The following COBL variants were observed in gnomAD, a reference collection of about 807,000 sequenced individuals.
The protein encoded by COBL is protein cordon-bleu.
COBL carries 51 observed loss-of-function variants against 98.8 expected under a neutral mutation model. The ratio of observed to expected loss-of-function variants is 0.52; its 90% CI spans 0.41 to 0.65. The LOEUF is 0.65. Among genes scored for constraint, COBL ranks in the 30% least tolerant of loss-of-function variants. COBL has a pLI of 0.00. For missense variants in COBL, 1,617 were observed against 1,617.5 expected, an observed-to-expected ratio of 1.00 and a Z score of 0.01; for synonymous variants, 634 against 651.7, an observed-to-expected ratio of 0.97 and a Z score of 0.41.
intron 2 of COBL, among the ~76,000 whole-genome samples, chr7:51,208,284 G>A (rs865865695): frequency 6.0e-5 from 9 of 150,936 alleles, no homozygotes; most frequent in East Asian, 2.0e-4. Flanking sequence ...CAGCCACCCC[G>A]TCTGGGAAGT....
chr7:51,316,668 G>C lies in COBL; in HGVS notation c.-35C>G, dbSNP rs974668214. 4.2e-6 allele frequency: 5 copies of C among 1,189,626 alleles called. No homozygotes were observed. The African/African-American group carries it at 4.8e-5, about 11-fold the overall frequency. 73.7% of individuals were successfully genotyped at this position (1,189,626 alleles called of 1,614,324 possible). A position where few individuals can be genotyped will look rare whatever the true frequency, so the allele number is the denominator to read the frequency against. The stretch of plus-strand genomic sequence containing the variant: ...GGCCGGGACGCGGGCGGTGCTCCGG[G>C]CCCGCCGAGTCAGGCGCTGGCTACC... On this transcript the variant is annotated 5_prime_UTR_variant, in exon 1 of 13. Coordinates refer to ENST00000265136, the MANE Select transcript of COBL (RefSeq NM_015198.5).
chr7:51,134,918 A>C (rs974124485), intron 6 of COBL, among the ~76,000 whole-genome samples: 1 of 152,242 alleles, frequency 6.6e-6, no homozygotes, highest in African/African-American at 2.4e-5. Flanking sequence ...TGAAGAACTC[A>C]AAATAAGTCA....
chr7:51,121,875 T>C (rs1418720963), intron 6 of COBL, among the ~76,000 whole-genome samples: 1 of 152,184 alleles, frequency 6.6e-6, no homozygotes, highest in Non-Finnish European at 1.5e-5. Flanking sequence ...CAGTTTCCCT[T>C]CATAGTGAAA....
rs201170093 is a variant in COBL at position 51,294,295 on chromosome 7, CATAAATAAATAAATAA to C, written c.41+22282_41+22297del. 7.9e-3 allele frequency among the ~76,000 whole-genome samples: 1,099 copies of C among 138,940 alleles called. 54 individuals are homozygous for C. In the South Asian group the frequency reaches 0.14, roughly 18 times the overall value. The allele number at this position is 138,940 out of a possible 152,430, so 91.2% of individuals were successfully genotyped here. ...AACAGAGTGAGACTCCATCTCAAAA[CATAAATAAATAAATAA>C]ATAAATAAATAAATAAATAAAAATA... On this transcript the variant is annotated intron_variant, in intron 1 of 12. Transcript: ENST00000265136.
At chr7:51,103,090 A>G (rs1007940878) in intron 6 of COBL, among the ~76,000 whole-genome samples, 1 of 152,168 alleles carries the variant, frequency 6.6e-6, no homozygotes, top group Non-Finnish European at 1.5e-5. Context: ...ATTCTTAAAA[A>G]CTGTGATTCA....
chr7:51,200,964 G>A (rs770033523), intron 2 of COBL, among the ~76,000 whole-genome samples: 8 of 152,176 alleles, frequency 5.3e-5, no homozygotes, highest in Non-Finnish European at 5.9e-5. Flanking sequence ...AAAGGAGCCC[G>A]GCATGGTGGC....
At chr7:51,255,503 C>T (rs1797120229) in intron 1 of COBL, among the ~76,000 whole-genome samples, 1 of 152,226 alleles carries the variant, frequency 6.6e-6, no homozygotes, top group Admixed American at 6.5e-5. Flanking sequence ...GTGTTCATCC[C>T]ATGAGGGAGG....
At chr7:51,081,470 G>A (rs950321653) in intron 7 of COBL, among the ~76,000 whole-genome samples, 12 of 152,342 alleles carry the variant, frequency 7.9e-5, no homozygotes, top group African/African-American at 2.9e-4. Context: ...AGGGCAGCAG[G>A]TGGGGAGGTT....
chr7:51,174,595 CT>C (rs1326392175), intron 5 of COBL, among the ~76,000 whole-genome samples: 3 of 152,128 alleles, frequency 2.0e-5, no homozygotes, highest in Non-Finnish European at 4.4e-5. Flanking sequence ...GCTATGTGGG[CT>C]CCAGTCTAAC....
intron 7 of COBL, chr7:51,083,050 G>C: frequency 6.5e-7 from 1 of 1,528,528 alleles, no homozygotes; most frequent in Admixed American, 2.0e-5. Flanking sequence ...GAAGCAAGAG[G>C]AACATACGTT....
At chr7:51,262,338 A>G (rs1563100903) in intron 1 of COBL, among the ~76,000 whole-genome samples, 1 of 152,320 alleles carries the variant, frequency 6.6e-6, no homozygotes, top group East Asian at 1.9e-4. Context: ...GTGACAGGAA[A>G]GTGAGGAGGG....
intron 6 of COBL, among the ~76,000 whole-genome samples, chr7:51,116,971 A>T (rs1240414834): frequency 1.3e-5 from 2 of 152,070 alleles, no homozygotes; most frequent in Admixed American, 1.3e-4. Context: ...TCTAGGGTAC[A>T]TGTGCACAAC....
At chr7:51,310,490 G>C (rs79198541) in intron 1 of COBL, among the ~76,000 whole-genome samples, 6,673 of 152,240 alleles carry the variant, frequency 0.044, 309 homozygotes, top group African/African-American at 0.11. Flanking sequence ...TCTGGCCCTC[G>C]GCAGCCTCTG....
intron 1 of COBL, among the ~76,000 whole-genome samples, chr7:51,293,114 TG>T (rs1237577650): frequency 6.6e-6 from 1 of 152,248 alleles, no homozygotes; most frequent in Non-Finnish European, 1.5e-5. Flanking sequence ...ACAATTACTT[TG>T]GAAAACAGCC....
intron 1 of COBL, among the ~76,000 whole-genome samples, chr7:51,308,885 C>A (rs1252634062): frequency 6.6e-6 from 1 of 152,198 alleles, no homozygotes; most frequent in Non-Finnish European, 1.5e-5. Context: ...TTACCACTGG[C>A]CTTTAAGATT....
At chr7:51,293,057 C>T (rs1435008140) in intron 1 of COBL, among the ~76,000 whole-genome samples, 2 of 152,234 alleles carry the variant, frequency 1.3e-5, no homozygotes, top group Non-Finnish European at 1.5e-5. Context: ...AAATTAAAGA[C>T]TGACCCAACA....
intron 2 of COBL, among the ~76,000 whole-genome samples, chr7:51,194,789 C>T (rs1270819748): frequency 1.3e-5 from 2 of 151,904 alleles, no homozygotes; most frequent in Non-Finnish European, 2.9e-5. Flanking sequence ...ATGTCCTTTG[C>T]CCACTTTTTC....
rs528904825 is a variant in COBL at position 51,168,307 on chromosome 7, A to T, written c.783+15795T>A. Among the ~76,000 whole-genome samples the T allele has an allele frequency of 3.3e-5, 5 of 152,228 alleles. No individual in the cohort carries two copies. The East Asian group carries it at 5.8e-4, about 18-fold the overall frequency. On this transcript the variant is annotated intron_variant, in intron 5 of 12. Transcript: ENST00000265136. The stretch of plus-strand genomic sequence containing the variant: ...CCCAGCACTTTGGGCATGCTGGTAC[A>T]TGCCTGTAGTCCCAGCTACTTGAGA...
chr7:51,177,569 T>C (rs1475325317), intron 5 of COBL, among the ~76,000 whole-genome samples: 1 of 150,406 alleles, frequency 6.6e-6, no homozygotes, highest in East Asian at 2.0e-4. Context: ...AGGTCAGGAG[T>C]TCGAGACCAG....
Sources: allele counts gnomAD v4.1 joint callset (sites outside exome capture counted in the v4.1 genomes callset), GRCh38; gene constraint gnomAD v4.1.1; transcripts MANE v1.5; gene names NCBI Gene and HGNC (gene_info 2026-07-23, HGNC 2026-07-21).